Variants in ERO1B observed in about 807,000 individuals in gnomAD.
ERO1B encodes endoplasmic reticulum oxidoreductase 1 beta.
ERO1B carries 49 observed loss-of-function variants against 75.3 expected under a neutral mutation model. The ratio of observed to expected loss-of-function variants is 0.65; its 90% confidence interval spans 0.52 to 0.83. ERO1B has a LOEUF of 0.83. Among genes scored for constraint, ERO1B ranks in the 40% least tolerant of loss-of-function variants. The probability of loss-of-function intolerance (pLI) is 0.00; values close to 1 mark genes in which losing one functional copy is unlikely to be tolerated. For missense variants in ERO1B, 512 were observed against 560.1 expected (o/e 0.91, Z 0.87); for synonymous variants, 191 against 192.9 (o/e 0.99, Z 0.08).
chr1:236,235,708 AG>A, intron 8 of ERO1B, 80 bp downstream of exon 8: 1 of 1,231,428 alleles, frequency 8.1e-7, no homozygotes. Flanking sequence ...TAAAAATGAA[AG>A]TTTTTTCAAT....
intron 4 of ERO1B, chr1:236,251,540 T>C: frequency 9.7e-6 from 8 of 820,862 alleles, no homozygotes; most frequent in Non-Finnish European, 1.2e-5. Flanking sequence ...GGTATGATGA[T>C]CTTTATTATG....
At position 236,218,355 on chromosome 1, in the gene ERO1B, TAATC is replaced by T. The variant is rs1251093857; in HGVS notation, c.*157_*160del. ...ATTTATAAATATCTCTAGTTGATAA[TAATC>T]TATTAAGAATCATAAATATTCAAGT... On this transcript the variant is annotated 3_prime_UTR_variant, in exon 16 of 16. Transcript: ENST00000354619. The T allele has an allele frequency of 2.1e-6, 1 of 481,260 alleles. No homozygotes were observed. The highest frequency in any genetic ancestry group is 3.1e-6 in the Non-Finnish European group (1 of 323,328). 29.8% of individuals were successfully genotyped at this position (481,260 alleles called of 1,614,324 possible).
intron 8 of ERO1B, among the ~76,000 whole-genome samples, chr1:236,235,004 TTATAG>T (rs1352913166): frequency 2.0e-5 from 3 of 152,194 alleles, no homozygotes; most frequent in African/African-American, 7.2e-5. Flanking sequence ...GACGCATAGG[TTATAG>T]TAGTCTTACC....
At chr1:236,271,875 T>C (rs1330829689) in intron 1 of ERO1B, among the ~76,000 whole-genome samples, 1 of 152,184 alleles carries the variant, frequency 6.6e-6, no homozygotes, top group African/African-American at 2.4e-5. Context: ...TGTTGACTTT[T>C]AGTTTATAAA....
At position 236,218,076 on chromosome 1, in the gene ERO1B, A is replaced by G. The variant is rs1664043173; in HGVS notation, c.*440T>C. ...GTGAGGCAAGGGTAAAAACACATTA[A>G]AAAGCATTGATAAATTTTTCTCACT... is the stretch of plus-strand genomic sequence containing the variant. On this transcript the variant is annotated 3_prime_UTR_variant, in exon 16 of 16. Transcript: ENST00000354619. The G allele has an allele frequency of 6.6e-6, 1 of 152,156 alleles. No individual in the cohort carries two copies. The highest frequency in any genetic ancestry group is 6.6e-5 in the Admixed American group (1 of 15,252). 9.4% of individuals were successfully genotyped at this position (152,156 alleles called of 1,614,324 possible).
At chr1:236,270,266 A>C (rs569083506) in intron 1 of ERO1B, among the ~76,000 whole-genome samples, 1 of 152,306 alleles carries the variant, frequency 6.6e-6, no homozygotes, top group Admixed American at 6.5e-5. Context: ...ATGAAATCCA[A>C]GTGGCCACTG....
At chr1:236,235,710 T>G (rs1327073644) in intron 8 of ERO1B, 79 bp downstream of exon 8, 23 of 1,260,518 alleles carry the variant, frequency 1.8e-5, no homozygotes, top group Non-Finnish European at 2.6e-5. Context: ...AAAATGAAAG[T>G]TTTTTCAATA....
intron 3 of ERO1B, among the ~76,000 whole-genome samples, chr1:236,253,156 C>T (rs568191163): frequency 6.6e-6 from 1 of 151,928 alleles, no homozygotes; most frequent in East Asian, 1.9e-4. Context: ...AATCCTAGAA[C>T]AGGCCTCTGA....
chr1:236,269,742 G>A (rs1344334363), intron 2 of ERO1B, 133 bp downstream of exon 2: 2 of 663,926 alleles, frequency 3.0e-6, no homozygotes, highest in Non-Finnish European at 5.1e-6. Context: ...GGTTTCCACT[G>A]CAATACATAA....
intron 13 of ERO1B, among the ~76,000 whole-genome samples, chr1:236,224,194 T>C (rs1241819573): frequency 1.3e-5 from 2 of 152,222 alleles, no homozygotes; most frequent in Non-Finnish European, 2.9e-5. Flanking sequence ...ATATCTGCTA[T>C]ATTCTTACAC....
chr1:236,259,373 G>T (rs1004047873), intron 2 of ERO1B, among the ~76,000 whole-genome samples: 2 of 152,182 alleles, frequency 1.3e-5, no homozygotes, highest in Non-Finnish European at 2.9e-5. Context: ...AATGGCAATA[G>T]TAAGTCCTTA....
intron 2 of ERO1B, among the ~76,000 whole-genome samples, chr1:236,262,865 T>A (rs1289297570): frequency 6.6e-6 from 1 of 152,118 alleles, no homozygotes; most frequent in Non-Finnish European, 1.5e-5. Flanking sequence ...ATGCTGCAGG[T>A]AGACAAGCTT....
At chr1:236,241,929 G>A (rs185522441) in intron 6 of ERO1B, among the ~76,000 whole-genome samples, 1,786 of 151,842 alleles carry the variant, frequency 0.012, 32 homozygotes, top group Non-Finnish European at 0.015. Flanking sequence ...TTAGCTGGGC[G>A]TGGTGGTGGG....
Position 236,230,218 on chromosome 1 carries a change from GTT to G in ERO1B, c.712+4_712+5del. The G allele has an allele frequency of 6.3e-7, 1 of 1,588,480 alleles. No individual in the cohort carries two copies. Among genetic ancestry groups the G allele is most frequent in the Non-Finnish European group, 8.6e-7 (1 of 1,160,106 alleles). ...AAATCCAATAAATTTAGAACAGACT[GTT>G]TACCTTCTAGCCATGTGTAGAATGA... On this transcript the variant is annotated splice_donor_5th_base_variant and intron_variant, in intron 10 of 15. Coordinates refer to ENST00000354619, the MANE Select transcript of ERO1B (RefSeq NM_019891.4).
At chr1:236,226,960 A>T (rs10924793) in intron 10 of ERO1B, among the ~76,000 whole-genome samples, 10,384 of 152,270 alleles carry the variant, frequency 0.068, 741 homozygotes, top group East Asian at 0.39. Context: ...TTAATGCTGA[A>T]AAAAGCAGAA....
intron 2 of ERO1B, among the ~76,000 whole-genome samples, chr1:236,255,063 C>A (rs1665128640): frequency 6.6e-6 from 1 of 151,684 alleles, no homozygotes; most frequent in African/African-American, 2.4e-5. Context: ...GCTGGGACCA[C>A]AGATGTACCA....
intron 5 of ERO1B, among the ~76,000 whole-genome samples, chr1:236,248,535 G>A (rs1175231609): frequency 3.9e-5 from 6 of 152,090 alleles, no homozygotes; most frequent in Admixed American, 2.0e-4. Context: ...AGTAAAATAT[G>A]GGATATTTAT....
intron 6 of ERO1B, among the ~76,000 whole-genome samples, chr1:236,239,825 G>GTATATATATTTA: frequency 2.0e-5 from 1 of 50,822 alleles, no homozygotes; most frequent in Non-Finnish European, 6.2e-5. Flanking sequence ...ATATATATGT[G>GTATATATATTTA]TATATATATG....
intron 13 of ERO1B, among the ~76,000 whole-genome samples, chr1:236,222,559 C>A (rs1664178399): frequency 6.6e-6 from 1 of 152,186 alleles, no homozygotes; most frequent in Non-Finnish European, 1.5e-5. Context: ...ATGCAAAGCA[C>A]CAAAATATGC....
Sources: gnomAD v4.1 joint callset for allele counts (sites outside exome capture counted in the v4.1 genomes callset) on GRCh38, gnomAD v4.1.1 for gene constraint, MANE v1.5 for transcripts, NCBI Gene and HGNC (gene_info 2026-07-23, HGNC 2026-07-21) for gene names.